COL25A1: variants seen among roughly 807,000 people sequenced by gnomAD.
The protein encoded by COL25A1 is collagen alpha-1(XXV) chain.
COL25A1 carries 103 observed loss-of-function variants against 128.4 expected under a neutral mutation model. The observed-to-expected ratio is 0.80, with a 90% CI of 0.68 to 0.94. COL25A1 has a LOEUF of 0.94. Among genes scored for constraint, COL25A1 ranks in the 40% least tolerant of loss-of-function variants. The pLI, the probability that COL25A1 is intolerant of heterozygous loss-of-function variation, is 0.00. For missense variants in COL25A1, 745 were observed against 840.0 expected (o/e 0.89, Z 1.40); for synonymous variants, 279 against 277.2 (o/e 1.01, Z -0.06).
chr4:108,898,596 T>C (rs575881475), intron 15 of COL25A1, among the ~76,000 whole-genome samples: 1 of 152,258 alleles, frequency 6.6e-6, no homozygotes, highest in Non-Finnish European at 1.5e-5. Context: ...TCTTTTTGGT[T>C]TTTATGGGAA....
At chr4:109,212,333 G>T (rs1414317908) in intron 3 of COL25A1, among the ~76,000 whole-genome samples, 1 of 152,090 alleles carries the variant, frequency 6.6e-6, no homozygotes. Flanking sequence ...CTAGCTATCA[G>T]CTAAGTGTTC....
intron 9 of COL25A1, 128 bp downstream of exon 9, chr4:108,941,238 A>G (rs1369263452): frequency 6.3e-5 from 36 of 570,760 alleles, no homozygotes; most frequent in Admixed American, 3.0e-5. Flanking sequence ...TTGTTTGAGG[A>G]TATTTCCAAA....
At chr4:109,257,087 A>G (rs530099538) in intron 3 of COL25A1, among the ~76,000 whole-genome samples, 23 of 152,224 alleles carry the variant, frequency 1.5e-4, no homozygotes, top group Non-Finnish European at 2.6e-4. Context: ...CAATCAAATG[A>G]AATTCCTAGC....
At chr4:109,013,823 A>T (rs1756941267) in intron 5 of COL25A1, among the ~76,000 whole-genome samples, 1 of 152,162 alleles carries the variant, frequency 6.6e-6, no homozygotes, top group Non-Finnish European at 1.5e-5. Flanking sequence ...ACCATCTTTA[A>T]GAACTGTAAC....
intron 13 of COL25A1, among the ~76,000 whole-genome samples, chr4:108,916,672 C>T (rs749799344): frequency 6.6e-6 from 1 of 152,136 alleles, no homozygotes; most frequent in Non-Finnish European, 1.5e-5. Flanking sequence ...ATTTTCAAAT[C>T]CATCTGAGAA....
chr4:108,950,294 C>T (rs1213935916), intron 8 of COL25A1, among the ~76,000 whole-genome samples: 2 of 152,182 alleles, frequency 1.3e-5, no homozygotes, highest in Non-Finnish European at 2.9e-5. Context: ...GGGACCTAAG[C>T]TCTGCTTCCC....
At position 109,124,129 on chromosome 4, in the gene COL25A1, G is replaced by A. The variant is rs774285582; in HGVS notation, c.368-73950C>T. Among the ~76,000 whole-genome samples, 26 of 152,118 alleles carry A rather than the reference G, an allele frequency of 1.7e-4. No homozygotes were observed. In the Middle Eastern group the frequency reaches 0.031, roughly 179 times the overall value. ...CTATTCTGTTTCAGGCACTGACATT[G>A]ACTTTAAAATTTGTAAAATCAGCAT... is the stretch of plus-strand genomic sequence containing the variant. On this transcript the variant is annotated intron_variant, in intron 3 of 37. Coordinates refer to ENST00000399132, the MANE Select transcript of COL25A1 (RefSeq NM_198721.4).
At chr4:109,148,888 T>C (rs1272799122) in intron 3 of COL25A1, among the ~76,000 whole-genome samples, 1 of 152,214 alleles carries the variant, frequency 6.6e-6, no homozygotes, top group Non-Finnish European at 1.5e-5. Context: ...CTCACTGTTT[T>C]TGGAATCTTC....
chr4:109,168,382 A>G (rs1448346951), intron 3 of COL25A1, among the ~76,000 whole-genome samples: 1 of 152,210 alleles, frequency 6.6e-6, no homozygotes, highest in Admixed American at 6.5e-5. Flanking sequence ...TTGGGGTATT[A>G]GCTAGTACAC....
chr4:108,988,547 A>G (rs1389207780), intron 6 of COL25A1, among the ~76,000 whole-genome samples: 1 of 152,198 alleles, frequency 6.6e-6, no homozygotes, highest in Admixed American at 6.5e-5. Context: ...AGAGGAAATG[A>G]ACAGTATTCA....
chr4:108,984,592 A>G (rs1753446262), intron 6 of COL25A1, among the ~76,000 whole-genome samples: 1 of 152,174 alleles, frequency 6.6e-6, no homozygotes, highest in African/African-American at 2.4e-5. Flanking sequence ...CTGCTGGCCC[A>G]GGTGCTAAGC....
chr4:109,287,852 C>T (rs1460507536), intron 3 of COL25A1, among the ~76,000 whole-genome samples: 2 of 152,098 alleles, frequency 1.3e-5, no homozygotes, highest in Admixed American at 6.6e-5. Context: ...AAGTGGGTTG[C>T]ATGTGGGTAG....
chr4:109,170,361 CA>C (rs1723836141), intron 3 of COL25A1, among the ~76,000 whole-genome samples: 1 of 152,076 alleles, frequency 6.6e-6, no homozygotes, highest in South Asian at 2.1e-4. Context: ...TTTGTTTATT[CA>C]AATAGAGAAC....
Position 108,889,277 on chromosome 4 carries a change from A to G in COL25A1, c.940-21T>C, listed in dbSNP as rs1336096547. 2.5e-6 allele frequency: 4 copies of G among 1,613,436 alleles called. No individual in the cohort carries two copies. In the Admixed American group the frequency reaches 5.0e-5, roughly 20 times the overall value. ...TCTCCCTGGCCAAAGAAAACCAAAGATGAAAAACACAGTCTTAAAAGAATT... is the reference window on the plus strand; with the variant it reads ...TCTCCCTGGCCAAAGAAAACCAAAGGTGAAAAACACAGTCTTAAAAGAATT... On this transcript the variant is annotated intron_variant, in intron 17 of 37. Coordinates refer to ENST00000399132, the MANE Select transcript of COL25A1 (RefSeq NM_198721.4).
At chr4:108,813,956 A>C in intron 37 of COL25A1, 27 bp from the exon 38 acceptor site, 1 of 1,561,240 alleles carries the variant, frequency 6.4e-7, no homozygotes, top group Non-Finnish European at 8.8e-7. Flanking sequence ...CAAAAAGACA[A>C]ATACATGGAA....
intron 3 of COL25A1, among the ~76,000 whole-genome samples, chr4:109,093,468 A>AC (rs1553931018): frequency 1.3e-5 from 2 of 151,278 alleles, no homozygotes; most frequent in African/African-American, 2.4e-5. Flanking sequence ...AAAAAAAAAA[A>AC]AAAAAAAACC....
chr4:109,276,411 C>CAA (rs201350321), intron 3 of COL25A1, among the ~76,000 whole-genome samples: 6 of 93,352 alleles, frequency 6.4e-5, no homozygotes, highest in African/African-American at 1.4e-4. Context: ...GACTCTGTCT[C>CAA]AAAAAAAAAA....
chr4:108,974,706 T>C (rs1316334490), intron 6 of COL25A1, 147 bp from the exon 7 acceptor site: 1 of 629,112 alleles, frequency 1.6e-6, no homozygotes, highest in Non-Finnish European at 2.7e-6. Context: ...TTCTAAACTA[T>C]AATCATATTA....
chr4:109,040,282 C>T (rs746357826), intron 5 of COL25A1, among the ~76,000 whole-genome samples: 5 of 152,100 alleles, frequency 3.3e-5, no homozygotes, highest in East Asian at 3.8e-4. Context: ...TGTAGGCCAG[C>T]GTCATGGTGT....
Sources: allele counts gnomAD v4.1 joint callset (sites outside exome capture counted in the v4.1 genomes callset), GRCh38; gene constraint gnomAD v4.1.1; transcripts MANE v1.5; gene names NCBI Gene and HGNC (gene_info 2026-07-23, HGNC 2026-07-21).